The following LPP variants were observed in gnomAD, a reference collection of about 807,000 sequenced individuals.
LPP encodes the protein LIM domain containing preferred translocation partner in lipoma.
Under a neutral mutation model 60.4 loss-of-function variants are expected in LPP, and 38 were observed. That is an observed-to-expected ratio of 0.63 (90% CI 0.49 to 0.83). LPP has a LOEUF of 0.83. Among genes scored for constraint, LPP ranks in the 40% least tolerant of loss-of-function variants. LPP has a pLI of 0.00. For missense variants in LPP, 902 were observed against 783.6 expected, an observed-to-expected ratio of 1.15 and a Z score of -1.80; for synonymous variants, 328 against 290.8, an observed-to-expected ratio of 1.13 and a Z score of -1.30.
intron 1 of LPP, among the ~76,000 whole-genome samples, chr3:188,222,893 ATTTGAAGAGGGC>A (rs1480386118): frequency 2.6e-5 from 4 of 152,132 alleles, no homozygotes; most frequent in African/African-American, 9.7e-5. Flanking sequence ...TCAGGAGTAT[ATTTGAAGAGGGC>A]TTTATATTTT....
At chr3:188,710,466 T>G (rs538990687) in intron 8 of LPP, 144 of 152,282 alleles carry the variant, frequency 9.5e-4, no homozygotes, top group African/African-American at 3.4e-3. Flanking sequence ...CAAACATCCT[T>G]AATCTAAAGT....
At chr3:188,242,095 A>G in intron 2 of LPP, among the ~76,000 whole-genome samples, 1 of 152,158 alleles carries the variant, frequency 6.6e-6, no homozygotes, top group Non-Finnish European at 1.5e-5. Context: ...TGGCGTTAAG[A>G]CAGATCATTT....
chr3:188,449,444 C>T (rs2149335399), intron 4 of LPP, among the ~76,000 whole-genome samples: 1 of 152,182 alleles, frequency 6.6e-6, no homozygotes, highest in East Asian at 1.9e-4. Flanking sequence ...TCATGCCTAA[C>T]ATTTATCAGC....
chr3:188,434,999 G>A (rs1791951241), intron 4 of LPP, among the ~76,000 whole-genome samples: 1 of 152,174 alleles, frequency 6.6e-6, no homozygotes, highest in Admixed American at 6.5e-5. Context: ...AAACATCTCA[G>A]TGTGGTATAG....
At chr3:188,518,571 G>T (rs1175573743) in intron 5 of LPP, among the ~76,000 whole-genome samples, 2 of 152,044 alleles carry the variant, frequency 1.3e-5, no homozygotes, top group Non-Finnish European at 2.9e-5. Flanking sequence ...AAGCACAGTT[G>T]AAAAAAATAG....
At chr3:188,613,280 C>CTA (rs1264683784) in intron 7 of LPP, among the ~76,000 whole-genome samples, 2 of 140,752 alleles carry the variant, frequency 1.4e-5, no homozygotes, top group Non-Finnish European at 3.1e-5. Flanking sequence ...ATATCTATAT[C>CTA]TATATCTATA....
At chr3:188,259,335 G>C (rs564682378) in intron 2 of LPP, among the ~76,000 whole-genome samples, 5 of 152,240 alleles carry the variant, frequency 3.3e-5, no homozygotes, top group African/African-American at 1.2e-4. Context: ...CCTGACACCA[G>C]TCTCTCTTGC....
At chr3:188,347,504 T>TGCCCTGATCATACTGAG (rs1764709600) in intron 3 of LPP, among the ~76,000 whole-genome samples, 1 of 152,184 alleles carries the variant, frequency 6.6e-6, no homozygotes, top group African/African-American at 2.4e-5. Context: ...TGAAGAGTAG[T>TGCCCTGATCATACTGAG]TAGGGTCATA....
chr3:188,573,860 G>A (rs1440506996), intron 6 of LPP, among the ~76,000 whole-genome samples: 1 of 152,028 alleles, frequency 6.6e-6, no homozygotes, highest in Non-Finnish European at 1.5e-5. Context: ...CTAATCAATA[G>A]TTTAGACAAG....
rs758800246 is a variant in LPP, at chr3:188,609,138, C to T, written c.430-23C>T. ...GCAGTAATTTTTGCTTTCTTTCTTTCTTTTTTTTCCTATTCTTTTTAGAGC... is the reference window on the plus strand; with the variant it reads ...GCAGTAATTTTTGCTTTCTTTCTTTTTTTTTTTTCCTATTCTTTTTAGAGC... On this transcript the variant is annotated intron_variant, in intron 6 of 11. Transcript: ENST00000617246. This position sits in a 1 kb window ranked among gnomAD's most constrained non-coding sequence, Gnocchi z 6.9. The T allele has an allele frequency of 1.3e-6, 2 of 1,525,112 alleles. No homozygotes were observed. The highest frequency in any genetic ancestry group is 1.8e-6 in the Non-Finnish European group (2 of 1,131,376). 94.5% of individuals were successfully genotyped at this position (1,525,112 alleles called of 1,614,324 possible).
rs552354979 is a variant in LPP, at chr3:188,186,442, C to T, written c.-190+32190C>T. Among the ~76,000 whole-genome samples, 8 of 152,264 alleles carry T rather than the reference C, an allele frequency of 5.3e-5. No homozygotes were observed. In the South Asian group the frequency reaches 6.2e-4, roughly 12 times the overall value. On this transcript the variant is annotated intron_variant, in intron 1 of 11. Coordinates refer to ENST00000617246, the MANE Select transcript of LPP (RefSeq NM_001375462.1). ...AAGAGGGCTAGGTGGCTTAAAAAGA[C>T]GACCTTGTCATGCATTTAATGATCT...
chr3:188,869,884 G>A lies in LPP; in HGVS notation c.1590-2759G>A, dbSNP rs184602880. Among the ~76,000 whole-genome samples, 55 of 152,250 alleles carry A rather than the reference G, an allele frequency of 3.6e-4. No individual in the cohort carries two copies. The East Asian group carries it at 7.0e-3, about 19-fold the overall frequency. Reference sequence around the variant, plus strand: ...TTCACATATGTCATTTCAGATGACCGCTGCAACCACTGCAGTCTTCTGGAA... The same window carrying A: ...TTCACATATGTCATTTCAGATGACCACTGCAACCACTGCAGTCTTCTGGAA... On this transcript the variant is annotated intron_variant, in intron 10 of 11. Coordinates refer to ENST00000617246, the MANE Select transcript of LPP (RefSeq NM_001375462.1).
chr3:188,806,557 T>G (rs980010616), intron 9 of LPP, among the ~76,000 whole-genome samples: 1 of 151,942 alleles, frequency 6.6e-6, no homozygotes, highest in African/African-American at 2.4e-5. Context: ...TGATTATTGA[T>G]ATAGTTGGAT....
chr3:188,300,367 A>G (rs1749379329), intron 2 of LPP, among the ~76,000 whole-genome samples: 1 of 152,054 alleles, frequency 6.6e-6, no homozygotes, highest in Admixed American at 6.6e-5. Flanking sequence ...TTTGTGACGA[A>G]CGATTGTGAC....
intron 1 of LPP, among the ~76,000 whole-genome samples, chr3:188,199,282 A>T (rs972296947): frequency 9.2e-5 from 14 of 152,170 alleles, no homozygotes; most frequent in African/African-American, 3.4e-4. Context: ...ATCTCGCTAT[A>T]CTTTATTGGT....
chr3:188,796,166 TAGAC>T (rs931577682), intron 9 of LPP, among the ~76,000 whole-genome samples: 13 of 152,312 alleles, frequency 8.5e-5, no homozygotes, highest in African/African-American at 3.1e-4. Context: ...GAACCTGACT[TAGAC>T]AGAGATTAAG....
At chr3:188,504,974 A>G (rs571704141) in intron 5 of LPP, among the ~76,000 whole-genome samples, 162 of 152,262 alleles carry the variant, frequency 1.1e-3, no homozygotes, top group Non-Finnish European at 1.6e-3. Flanking sequence ...CCCAGCTTGG[A>G]TCATGTAAGC....
chr3:188,575,621 C>T lies in LPP; in HGVS notation c.430-33540C>T, dbSNP rs537225178. ...TGAATTCTTGACCTCTCATTTGATG[C>T]TGACTCTTCTCAAACCCTTAGTCTT... On this transcript the variant is annotated intron_variant, in intron 6 of 11. Coordinates refer to ENST00000617246, the MANE Select transcript of LPP (RefSeq NM_001375462.1). 2.0e-5 allele frequency among the ~76,000 whole-genome samples: 3 copies of T among 152,290 alleles called. No individual in the cohort carries two copies. In the South Asian group the frequency reaches 6.2e-4, roughly 32 times the overall value.
rs1193949424 is a variant in LPP at position 188,656,187 on chromosome 3, A to G, written c.1113+46343A>G. 3.6e-5 allele frequency among the ~76,000 whole-genome samples: 4 copies of G among 112,544 alleles called. No homozygotes were observed. The East Asian group carries it at 7.7e-4, about 22-fold the overall frequency. 73.8% of individuals were successfully genotyped at this position (112,544 alleles called of 152,430 possible). On this transcript the variant is annotated intron_variant, in intron 7 of 11. Transcript: ENST00000617246. ...AGCCTGGGCAACAATAGCGAAACTC[A>G]GTCTCCAAAAGGAAAAAAAAAAAAA...
Sources: gnomAD v4.1 joint callset for allele counts (sites outside exome capture counted in the v4.1 genomes callset) on GRCh38, gnomAD v4.1.1 for gene constraint, Gnocchi (gnomAD v3.1) non-coding constraint, MANE v1.5 for transcripts, NCBI Gene and HGNC (gene_info 2026-07-23, HGNC 2026-07-21) for gene names.